The following AOPEP variants were observed in gnomAD, a reference collection of about 807,000 sequenced individuals.
The protein encoded by AOPEP is aminopeptidase O (putative).
In AOPEP, 77 loss-of-function variants were observed where a neutral mutation model predicts 98.1. That is an observed-to-expected ratio of 0.78 (90% CI 0.65 to 0.95). The LOEUF (loss-of-function observed/expected upper bound fraction) is 0.95. Ranked by LOEUF, AOPEP falls within the 40% of genes least tolerant of loss-of-function variation. The pLI is 0.00. For missense variants in AOPEP, 1,024 were observed against 1,024.7 expected, an observed-to-expected ratio of 1.00 and a Z score of 0.01; for synonymous variants, 346 against 365.3, an observed-to-expected ratio of 0.95 and a Z score of 0.60.
chr9:95,091,993 G>C (rs898400952), downstream of AOPEP, among the ~76,000 whole-genome samples: 4 of 152,164 alleles, frequency 2.6e-5, no homozygotes, highest in African/African-American at 9.6e-5. Context: ...GAAAGGCTGA[G>C]AGCTTCGGTC....
chr9:94,730,283 C>CAAAAAA (rs58829632), intron 1 of AOPEP, among the ~76,000 whole-genome samples: 1 of 60,386 alleles, frequency 1.7e-5, no homozygotes. Flanking sequence ...GACTCCATCT[C>CAAAAAA]AAAAAAAAAA....
chr9:94,846,644 G>A (rs748268548), intron 5 of AOPEP, among the ~76,000 whole-genome samples: 26 of 152,214 alleles, frequency 1.7e-4, no homozygotes, highest in Non-Finnish European at 3.2e-4. Flanking sequence ...GGTGGCTCAC[G>A]CCCGTAATCC....
At chr9:94,899,386 A>G (rs1287005033) in intron 5 of AOPEP, among the ~76,000 whole-genome samples, 1 of 144,982 alleles carries the variant, frequency 6.9e-6, no homozygotes, top group African/African-American at 2.6e-5. Flanking sequence ...ACGAGGTTTC[A>G]CTGTGTTACA....
In AOPEP at chr9:94,760,314, G is replaced by T; in HGVS notation, c.531G>T (p.Thr177=). Residue 177 remains threonine (T), a synonymous_variant, in exon 2 of 17, where the codon ACG becomes ACT. Transcript: ENST00000375315. Reference sequence around the variant, plus strand: ...AATTTACAAGGTCTCCTGAGCTCACGGTTGTTTCTGAGGAGTTCAGGAATC... The same window carrying T: ...AATTTACAAGGTCTCCTGAGCTCACTGTTGTTTCTGAGGAGTTCAGGAATC... The part of the protein sequence containing the change: ...LEKFTRSPEL[T]VVSEEFRNQI... 6.2e-7 allele frequency: 1 copy of T among 1,614,118 alleles called. No homozygotes were observed. Among genetic ancestry groups the T allele is most frequent in the Non-Finnish European group, 8.5e-7 (1 of 1,180,010 alleles).
intron 3 of AOPEP, among the ~76,000 whole-genome samples, chr9:94,774,173 G>A (rs545431266): frequency 8.6e-5 from 13 of 151,944 alleles, no homozygotes; most frequent in South Asian, 4.2e-4. Context: ...TTAGCCGGGC[G>A]TGGGGGCGGT....
At chr9:94,783,333 C>G (rs555696542) in intron 3 of AOPEP, among the ~76,000 whole-genome samples, 1 of 152,316 alleles carries the variant, frequency 6.6e-6, no homozygotes, top group East Asian at 1.9e-4. Context: ...AAACCGAAGC[C>G]TTGCTGGGTA....
At chr9:95,041,446 G>GGTGT (rs57837059) in intron 13 of AOPEP, among the ~76,000 whole-genome samples, 151 of 142,106 alleles carry the variant, frequency 1.1e-3, no homozygotes, top group Middle Eastern at 6.9e-3. Context: ...AGTCCTTGGG[G>GGTGT]GTGTGTGTGT....
At chr9:94,834,676 C>T (rs534117689) in intron 5 of AOPEP, among the ~76,000 whole-genome samples, 2 of 152,168 alleles carry the variant, frequency 1.3e-5, no homozygotes, top group East Asian at 3.9e-4. Flanking sequence ...ACCTGTAGTC[C>T]CAGCTACTCG....
chr9:95,110,627 C>T, the AOPEP span: 12 of 1,041,538 alleles, frequency 1.2e-5, no homozygotes, highest in East Asian at 5.8e-5. Flanking sequence ...AAACAAAATA[C>T]GCAGACATCT....
intron 13 of AOPEP, among the ~76,000 whole-genome samples, chr9:95,049,523 TAATC>T (rs1256817339): frequency 1.3e-5 from 2 of 152,200 alleles, no homozygotes; most frequent in Non-Finnish European, 2.9e-5. Context: ...AAAATTTAAA[TAATC>T]AGAAAGCTCA....
chr9:95,126,669 A>G, the AOPEP span: 1 of 1,353,286 alleles, frequency 7.4e-7, no homozygotes, highest in Admixed American at 1.7e-5. Flanking sequence ...GTTACTGGGA[A>G]CTGCTGATGT....
At chr9:95,066,914 C>G (rs779763803) in intron 14 of AOPEP, among the ~76,000 whole-genome samples, 13 of 152,168 alleles carry the variant, frequency 8.5e-5, no homozygotes, top group Non-Finnish European at 1.5e-4. Context: ...AGTTTACATA[C>G]TTTTGTATTG....
intron 9 of AOPEP, among the ~76,000 whole-genome samples, chr9:94,965,015 A>G (rs2059104274): frequency 6.6e-6 from 1 of 152,246 alleles, no homozygotes; most frequent in Admixed American, 6.5e-5. Context: ...AAAGTTATCT[A>G]TTAAGATACT....
chr9:94,865,760 C>T (rs2045632945), intron 5 of AOPEP, among the ~76,000 whole-genome samples: 1 of 152,196 alleles, frequency 6.6e-6, no homozygotes, highest in Non-Finnish European at 1.5e-5. Flanking sequence ...CATAGGTTCT[C>T]ACAGAAATCT....
At chr9:94,953,064 G>T (rs529189599) in intron 7 of AOPEP, among the ~76,000 whole-genome samples, 3 of 152,170 alleles carry the variant, frequency 2.0e-5, no homozygotes, top group African/African-American at 4.8e-5. Flanking sequence ...CAAAAAAGAC[G>T]CACGGCAACT....
At chr9:94,736,440 G>T (rs193079664) in intron 1 of AOPEP, among the ~76,000 whole-genome samples, 201 of 152,128 alleles carry the variant, frequency 1.3e-3, no homozygotes, top group African/African-American at 4.7e-3. Context: ...TGAAAAAGCT[G>T]GTATTTTTGT....
intron 5 of AOPEP, among the ~76,000 whole-genome samples, chr9:94,821,513 G>C (rs563198661): frequency 1.3e-5 from 2 of 152,214 alleles, no homozygotes; most frequent in Non-Finnish European, 2.9e-5. Flanking sequence ...AGAAAGTGGA[G>C]TGACATGACA....
intron 5 of AOPEP, among the ~76,000 whole-genome samples, chr9:94,814,016 T>C (rs767203816): frequency 4.6e-5 from 7 of 152,224 alleles, no homozygotes; most frequent in South Asian, 2.1e-4. Context: ...CTGGGGTTTC[T>C]ATCTCTATGG....
chr9:94,784,254 A>G (rs938050109), intron 3 of AOPEP, among the ~76,000 whole-genome samples: 3 of 152,222 alleles, frequency 2.0e-5, no homozygotes, highest in Non-Finnish European at 4.4e-5. Flanking sequence ...CTCACCTACT[A>G]ATAGGACACT....
Sources: gnomAD v4.1 joint callset for allele counts (sites outside exome capture counted in the v4.1 genomes callset) on GRCh38, gnomAD v4.1.1 for gene constraint, MANE v1.5 for transcripts, NCBI Gene and HGNC (gene_info 2026-07-23, HGNC 2026-07-21) for gene names.